The following MARCHF3 variants were observed in gnomAD, a reference collection of about 807,000 sequenced individuals.
MARCHF3 encodes E3 ubiquitin-protein ligase MARCHF3.
In MARCHF3, 13 loss-of-function variants were observed where a neutral mutation model predicts 24.2. The ratio of observed to expected loss-of-function variants is 0.54; its 90% confidence interval spans 0.35 to 0.85. The LOEUF is 0.85. Among genes scored for constraint, MARCHF3 ranks in the 40% least tolerant of loss-of-function variants. The pLI is 0.01. For missense variants in MARCHF3, 276 were observed against 325.0 expected (o/e 0.85, Z 1.16); for synonymous variants, 144 against 137.3 (o/e 1.05, Z -0.34).
At chr5:127,020,085 ATC>A (rs764779906) in intron 1 of MARCHF3, among the ~76,000 whole-genome samples, 228 of 152,166 alleles carry the variant, frequency 1.5e-3, no homozygotes, top group Admixed American at 2.3e-3. Flanking sequence ...GTACCAAATA[ATC>A]TCTGTCTGTG....
intron 3 of MARCHF3, among the ~76,000 whole-genome samples, chr5:126,895,860 G>A (rs919729858): frequency 1.3e-5 from 2 of 152,178 alleles, no homozygotes; most frequent in African/African-American, 4.8e-5. Context: ...CTTCCGGGCT[G>A]CTTTGTTTAC....
At chr5:126,907,489 A>G (rs1199641263) in intron 3 of MARCHF3, among the ~76,000 whole-genome samples, 1 of 151,368 alleles carries the variant, frequency 6.6e-6, no homozygotes, top group Non-Finnish European at 1.5e-5. Flanking sequence ...TTGCTTTATG[A>G]ATCTGGGTGC....
At chr5:126,934,388 C>A (rs1749571484) in intron 1 of MARCHF3, among the ~76,000 whole-genome samples, 1 of 151,986 alleles carries the variant, frequency 6.6e-6, no homozygotes, top group African/African-American at 2.4e-5. Context: ...TCTGACTTAA[C>A]TTCTAAGCAG....
At chr5:126,878,960 T>C (rs567861080) in intron 3 of MARCHF3, among the ~76,000 whole-genome samples, 8 of 152,334 alleles carry the variant, frequency 5.3e-5, no homozygotes, top group Non-Finnish European at 1.2e-4. Flanking sequence ...TGAGACACTT[T>C]ATGCCAACAA....
chr5:126,891,686 C>T (rs1303291115), intron 3 of MARCHF3, among the ~76,000 whole-genome samples: 91 of 138,198 alleles, frequency 6.6e-4, no homozygotes, highest in East Asian at 1.5e-3. Context: ...GTTTTGGTTA[C>T]TGTAGCCTTG....
At chr5:126,979,800 T>C (rs551927460) in intron 1 of MARCHF3, among the ~76,000 whole-genome samples, 3 of 151,642 alleles carry the variant, frequency 2.0e-5, no homozygotes, top group South Asian at 2.1e-4. Context: ...AATACAAAAT[T>C]AGTCAGGTTT....
chr5:127,013,671 G>A (rs1042364656), intron 1 of MARCHF3, among the ~76,000 whole-genome samples: 4 of 152,020 alleles, frequency 2.6e-5, no homozygotes, highest in Admixed American at 6.6e-5. Flanking sequence ...AACACAATCT[G>A]GATGAATTAG....
At chr5:126,934,507 G>C (rs1749577315) in intron 1 of MARCHF3, among the ~76,000 whole-genome samples, 1 of 151,610 alleles carries the variant, frequency 6.6e-6, no homozygotes, top group Non-Finnish European at 1.5e-5. Flanking sequence ...CTCTGATCTA[G>C]GGGTTATTTA....
rs74332634 is a variant in MARCHF3, at chr5:126,992,482, C to T, written c.-57+37868G>A. Among the ~76,000 whole-genome samples the T allele has an allele frequency of 1.1e-3, 164 of 152,264 alleles. 1 individual carries two copies. The highest frequency in any genetic ancestry group is 3.8e-3 in the African/African-American group (156 of 41,552). On this transcript the variant is annotated intron_variant, in intron 1 of 4. Coordinates refer to ENST00000308660, the MANE Select transcript of MARCHF3 (RefSeq NM_178450.5). ...CATTTTCCGTTTGCTTTCTCATCTC[C>T]TTTCTATTTTGTTAAAGTGAGTAAA...
chr5:126,927,122 C>A (rs1749321651), intron 1 of MARCHF3, among the ~76,000 whole-genome samples: 1 of 152,188 alleles, frequency 6.6e-6, no homozygotes, highest in South Asian at 2.1e-4. Context: ...TAAACCCCAA[C>A]ACACATACTC....
In MARCHF3 at chr5:126,918,089, T is replaced by C. The variant is rs779309274; in HGVS notation, c.83A>G (p.Glu28Gly). The C allele has an allele frequency of 6.2e-7, 1 of 1,614,190 alleles. No homozygotes were observed. The highest frequency in any genetic ancestry group is 1.1e-5 in the South Asian group (1 of 91,088). ...SSAAPVVKTV[E>G]DCGSLVNGQP... is the part of the protein sequence containing the mutation. ...CCCATTCACTAGGCTGCCACAATCC[T>C]CCACCGTCTTCACCACGGGTGCAGC... The change falls in exon 2 of 5, where the codon GAG becomes GGG. Residue 28 changes from glutamate to glycine, a missense_variant. Coordinates refer to ENST00000308660, the MANE Select transcript of MARCHF3 (RefSeq NM_178450.5).
intron 4 of MARCHF3, among the ~76,000 whole-genome samples, chr5:126,875,502 C>G (rs936263235): frequency 1.3e-5 from 2 of 152,266 alleles, no homozygotes; most frequent in African/African-American, 4.8e-5. Flanking sequence ...TCTCCTTAAG[C>G]TTGACAGCTT....
intron 1 of MARCHF3, among the ~76,000 whole-genome samples, chr5:126,922,200 G>T (rs1050852790): frequency 6.6e-6 from 1 of 152,150 alleles, no homozygotes; most frequent in Non-Finnish European, 1.5e-5. Context: ...ACCTCCAGGA[G>T]AATCATGAGT....
At chr5:126,902,454 T>C (rs1236276697) in intron 3 of MARCHF3, among the ~76,000 whole-genome samples, 1 of 152,082 alleles carries the variant, frequency 6.6e-6, no homozygotes, top group Non-Finnish European at 1.5e-5. Context: ...GGGTTCTCAT[T>C]TGTATCCAAC....
intron 1 of MARCHF3, among the ~76,000 whole-genome samples, chr5:126,931,598 C>CACACAA (rs1453025722): frequency 6.6e-6 from 1 of 151,918 alleles, no homozygotes; most frequent in African/African-American, 2.4e-5. Context: ...CACACACACA[C>CACACAA]ACACACACAC....
At position 126,869,151 on chromosome 5, in the gene MARCHF3, A is replaced by T. The variant is rs1580579637; in HGVS notation, c.*1482T>A. 1 of 152,246 alleles carries T rather than the reference A, an allele frequency of 6.6e-6. No individual in the cohort carries two copies. Among genetic ancestry groups the T allele is most frequent in the South Asian group, 2.1e-4 (1 of 4,832 alleles). The allele number at this position is 152,246 out of a possible 1,614,324, so 9.4% of individuals were successfully genotyped here. ...TCAGCTCCATCAATTTGCAGACAAAAATCGCTACCCTCCTCGCTGCCTGTT... is the reference window on the plus strand; with the variant it reads ...TCAGCTCCATCAATTTGCAGACAAATATCGCTACCCTCCTCGCTGCCTGTT... On this transcript the variant is annotated 3_prime_UTR_variant, in exon 5 of 5. Coordinates refer to ENST00000308660, the MANE Select transcript of MARCHF3 (RefSeq NM_178450.5).
chr5:126,914,184 A>C (rs557206453), intron 3 of MARCHF3, among the ~76,000 whole-genome samples: 65 of 151,566 alleles, frequency 4.3e-4, no homozygotes, highest in Admixed American at 9.9e-4. Context: ...GGGGTTTCAC[A>C]GTGTTAGCCA....
At position 126,934,299 on chromosome 5, in the gene MARCHF3, A is replaced by G. The variant is rs563529067; in HGVS notation, c.-56-16072T>C. On this transcript the variant is annotated intron_variant, in intron 1 of 4. Transcript: ENST00000308660. ...AAATGAATAAATACACTAGCTGGAT[A>G]TCAAAATTTATATCCAGGTTAGGTG... is the stretch of plus-strand genomic sequence containing the variant. Among the ~76,000 whole-genome samples, 12 of 152,356 alleles carry G rather than the reference A, an allele frequency of 7.9e-5. 2 individuals are homozygous for G. The South Asian group carries it at 2.3e-3, about 29-fold the overall frequency.
At chr5:126,898,147 C>T (rs949525595) in intron 3 of MARCHF3, among the ~76,000 whole-genome samples, 8 of 151,880 alleles carry the variant, frequency 5.3e-5, no homozygotes, top group African/African-American at 1.9e-4. Context: ...ACTATACAAC[C>T]GTGAAAATAC....
Sources: allele counts gnomAD v4.1 joint callset (sites outside exome capture counted in the v4.1 genomes callset), GRCh38; gene constraint gnomAD v4.1.1; transcripts MANE v1.5; gene names NCBI Gene and HGNC (gene_info 2026-07-23, HGNC 2026-07-21).